PCDH7: variants seen among roughly 807,000 people sequenced by gnomAD.
The protein encoded by PCDH7 is protocadherin-7.
Under a neutral mutation model 58.9 loss-of-function variants are expected in PCDH7, and 17 were observed. That is an observed-to-expected ratio of 0.29 (90% CI 0.20 to 0.43). PCDH7 has a LOEUF of 0.43. PCDH7 is among the 20% of genes least tolerant of loss of function. PCDH7 has a pLI of 1.00. For missense variants in PCDH7, 1,274 were observed against 1,441.0 expected, an observed-to-expected ratio of 0.88 and a Z score of 1.88; for synonymous variants, 664 against 616.4, an observed-to-expected ratio of 1.08 and a Z score of -1.14.
chr4:30,769,062 A>C (rs13112607), intron 1 of PCDH7, among the ~76,000 whole-genome samples: 3,423 of 152,330 alleles, frequency 0.022, 67 homozygotes, highest in East Asian at 0.068. Context: ...ATCAGGGTCA[A>C]ATAAATGTTT....
At chr4:30,749,568 A>G (rs529010661) in intron 1 of PCDH7, among the ~76,000 whole-genome samples, 13 of 152,232 alleles carry the variant, frequency 8.5e-5, no homozygotes, top group African/African-American at 2.4e-4. Context: ...AGAATACATA[A>G]TCTTTGAAAA....
intron 2 of PCDH7, among the ~76,000 whole-genome samples, chr4:30,928,388 A>T (rs926402450): frequency 2.0e-5 from 3 of 152,190 alleles, no homozygotes; most frequent in Non-Finnish European, 2.9e-5. Context: ...GTAGAACAAT[A>T]GGTGTCTCTT....
chr4:30,861,304 CATACT>C (rs1734162059), intron 1 of PCDH7, among the ~76,000 whole-genome samples: 1 of 152,124 alleles, frequency 6.6e-6, no homozygotes, highest in Non-Finnish European at 1.5e-5. Context: ...TTCCTAGTGA[CATACT>C]GCATGCAGGT....
chr4:30,856,924 G>A (rs1462881130), intron 1 of PCDH7, among the ~76,000 whole-genome samples: 1 of 151,806 alleles, frequency 6.6e-6, no homozygotes, highest in East Asian at 1.9e-4. Flanking sequence ...AATTTTGGAA[G>A]CTTTTTTCTT....
exon 1 of PCDH7, chr4:30,724,282 G>A: frequency 6.2e-7 from 1 of 1,613,718 alleles, no homozygotes; most frequent in Non-Finnish European, 8.5e-7. Flanking sequence ...CATTGTCACT[G>A]TGGAGGCTTC....
chr4:31,057,374 A>G (rs1429303388), intron 3 of PCDH7, among the ~76,000 whole-genome samples: 1 of 152,186 alleles, frequency 6.6e-6, no homozygotes, highest in Non-Finnish European at 1.5e-5. Flanking sequence ...GTCACTTTCA[A>G]CAGTAGTGAT....
intron 3 of PCDH7, among the ~76,000 whole-genome samples, chr4:31,067,543 T>G (rs1054312588): frequency 1.3e-5 from 2 of 151,842 alleles, no homozygotes; most frequent in African/African-American, 4.8e-5. Context: ...TAGCATAGTG[T>G]CAGTAGGTAT....
chr4:30,811,417 A>T (rs1024919374), intron 1 of PCDH7, among the ~76,000 whole-genome samples: 1 of 152,212 alleles, frequency 6.6e-6, no homozygotes. Flanking sequence ...ATGACAGTTT[A>T]ATTGGCAACA....
intron 1 of PCDH7, among the ~76,000 whole-genome samples, chr4:30,803,146 G>A (rs1016301277): frequency 3.3e-5 from 5 of 152,130 alleles, no homozygotes; most frequent in Non-Finnish European, 5.9e-5. Context: ...AGCTTAAGAG[G>A]AGGTTTTGTG....
At chr4:31,023,602 A>G (rs1754199769) in intron 3 of PCDH7, among the ~76,000 whole-genome samples, 2 of 152,132 alleles carry the variant, frequency 1.3e-5, no homozygotes, top group African/African-American at 4.8e-5. Context: ...AACTAAAACA[A>G]CGTAAGTATG....
chr4:30,998,828 T>C (rs1675916082), intron 3 of PCDH7, among the ~76,000 whole-genome samples: 2 of 151,954 alleles, frequency 1.3e-5, no homozygotes, highest in South Asian at 2.1e-4. Flanking sequence ...ATAAGATATA[T>C]GAAAGAAGAG....
At chr4:31,136,078 T>C (rs1192001462) in intron 3 of PCDH7, among the ~76,000 whole-genome samples, 1 of 152,244 alleles carries the variant, frequency 6.6e-6, no homozygotes, top group African/African-American at 2.4e-5. Context: ...TATACAGCTG[T>C]GAAGTGACAA....
intron 3 of PCDH7, among the ~76,000 whole-genome samples, chr4:31,084,661 AG>A (rs1712096246): frequency 7.6e-6 from 1 of 130,738 alleles, no homozygotes; most frequent in Non-Finnish European, 1.6e-5. Context: ...CAAGAAAGAG[AG>A]AGAGAGAGAG....
intron 3 of PCDH7, among the ~76,000 whole-genome samples, chr4:31,056,514 A>AAAGAAAGAAAGAAAGC (rs1560608904): frequency 9.8e-6 from 1 of 102,506 alleles, no homozygotes; most frequent in Non-Finnish European, 2.0e-5. Flanking sequence ...AGAAAGAAAG[A>AAAGAAAGAAAGAAAGC]AAGGGGAAGG....
chr4:30,822,734 G>A (rs1247559814), intron 1 of PCDH7, among the ~76,000 whole-genome samples: 2 of 151,986 alleles, frequency 1.3e-5, no homozygotes, highest in African/African-American at 4.8e-5. Context: ...TGGGGAGTGC[G>A]CAGAGGATAA....
At chr4:30,894,365 C>T (rs1739008875) in intron 1 of PCDH7, among the ~76,000 whole-genome samples, 1 of 146,184 alleles carries the variant, frequency 6.8e-6, no homozygotes, top group African/African-American at 2.5e-5. Flanking sequence ...TGATATTAAT[C>T]AGCCTCCCTG....
intron 2 of PCDH7, among the ~76,000 whole-genome samples, chr4:30,935,834 G>A (rs1224537729): frequency 6.6e-6 from 1 of 152,070 alleles, no homozygotes; most frequent in Non-Finnish European, 1.5e-5. Flanking sequence ...ATTTATAAAT[G>A]TAGAAATCAA....
At chr4:31,126,296 C>G (rs1247063433) in intron 3 of PCDH7, among the ~76,000 whole-genome samples, 1 of 151,946 alleles carries the variant, frequency 6.6e-6, no homozygotes, top group Non-Finnish European at 1.5e-5. Context: ...GCTAGGATTA[C>G]AGGTGCACAC....
chr4:30,969,357 T>C (rs1434367240), intron 3 of PCDH7, among the ~76,000 whole-genome samples: 1 of 147,038 alleles, frequency 6.8e-6, no homozygotes, highest in African/African-American at 2.5e-5. Context: ...ATTTTGTCTC[T>C]TTTTTTTTTT....
Sources: allele counts gnomAD v4.1 joint callset (sites outside exome capture counted in the v4.1 genomes callset), GRCh38; gene constraint gnomAD v4.1.1; transcripts MANE v1.5; gene names NCBI Gene and HGNC (gene_info 2026-07-23, HGNC 2026-07-21).